The following CTDSP2 variants were observed in gnomAD, a reference collection of about 807,000 sequenced individuals.
CTDSP2 encodes carboxy-terminal domain RNA polymerase II polypeptide A small phosphatase 2.
In CTDSP2, 9 loss-of-function variants were observed where a neutral mutation model predicts 31.6. The ratio of observed to expected loss-of-function variants is 0.28; its 90% CI spans 0.17 to 0.50. The LOEUF (loss-of-function observed/expected upper bound fraction) is 0.50, where lower values mean the gene tolerates loss of function less well. Ranked by LOEUF, CTDSP2 falls within the 20% of genes least tolerant of loss-of-function variation. The pLI is 0.98. For missense variants in CTDSP2, 267 were observed against 348.5 expected, an observed-to-expected ratio of 0.77 and a Z score of 1.86; for synonymous variants, 134 against 134.5, an observed-to-expected ratio of 1.00 and a Z score of 0.03.
At chr12:57,834,688 G>A (rs1328852096) in intron 1 of CTDSP2, among the ~76,000 whole-genome samples, 1 of 152,204 alleles carries the variant, frequency 6.6e-6, no homozygotes, top group Admixed American at 6.5e-5. Flanking sequence ...ACTCAGCATT[G>A]TGTCCTTGAC....
chr12:57,836,124 A>G (rs920924106), intron 1 of CTDSP2, among the ~76,000 whole-genome samples: 5 of 152,162 alleles, frequency 3.3e-5, no homozygotes, highest in Non-Finnish European at 7.3e-5. Flanking sequence ...ATGAAGCCCA[A>G]GAAGATGAGG....
chr12:57,826,434 T>C (rs772326821), intron 4 of CTDSP2, 32 bp from the exon 5 acceptor site: 1 of 1,611,408 alleles, frequency 6.2e-7, no homozygotes, highest in Non-Finnish European at 8.5e-7. Context: ...GCTGTCAGCA[T>C]GGTGGCAAAG....
At chr12:57,836,381 C>T (rs752236374) in intron 1 of CTDSP2, among the ~76,000 whole-genome samples, 9 of 152,162 alleles carry the variant, frequency 5.9e-5, no homozygotes, top group East Asian at 1.9e-4. Flanking sequence ...ATGCATGGGC[C>T]GGGGTAGGTG....
intron 1 of CTDSP2, among the ~76,000 whole-genome samples, chr12:57,839,787 G>A (rs987853410): frequency 2.6e-5 from 4 of 151,986 alleles, no homozygotes; most frequent in East Asian, 1.9e-4. Flanking sequence ...GTACCCTTGG[G>A]CAAAGTCCTT....
chr12:57,823,251 G>T lies in CTDSP2; in HGVS notation c.*351C>A. 1 of 328,678 alleles carries T rather than the reference G, an allele frequency of 3.0e-6. No individual in the cohort carries two copies. Among genetic ancestry groups the T allele is most frequent in the Non-Finnish European group, 5.9e-6 (1 of 169,198 alleles). 20.4% of individuals were successfully genotyped at this position (328,678 alleles called of 1,614,324 possible). ...TACACAACTCAGTGGCTCTTAGGGTGACAGGAGAGGAGACAAGCTAACTTG... is the reference window on the plus strand; with the variant it reads ...TACACAACTCAGTGGCTCTTAGGGTTACAGGAGAGGAGACAAGCTAACTTG... On this transcript the variant is annotated 3_prime_UTR_variant, in exon 8 of 8. Transcript: ENST00000398073.
chr12:57,829,263 C>G (rs1168039415), intron 2 of CTDSP2, among the ~76,000 whole-genome samples, 185 bp downstream of exon 2: 1 of 152,132 alleles, frequency 6.6e-6, no homozygotes, highest in East Asian at 1.9e-4. Context: ...GAATGGCCCA[C>G]ACCGCAAAAG....
At chr12:57,824,578 G>T (rs758602705) in intron 5 of CTDSP2, 5 of 653,546 alleles carry the variant, frequency 7.7e-6, no homozygotes, top group Non-Finnish European at 1.5e-5. Flanking sequence ...CATGTCCCAG[G>T]AGCCATCTCT....
chr12:57,838,933 T>C (rs1488100793), intron 1 of CTDSP2, among the ~76,000 whole-genome samples: 1 of 152,198 alleles, frequency 6.6e-6, no homozygotes, highest in African/African-American at 2.4e-5. Context: ...CTCAAAATGT[T>C]CACATTAAAG....
Position 57,824,012 on chromosome 12 carries a change from G to T in CTDSP2, c.582C>A (p.Phe194Leu), listed in dbSNP as rs1043612511. The change falls in exon 7 of 8, where the codon TTC becomes TTA. Residue 194 changes from phenylalanine (F) to leucine (L), a missense_variant. Physicochemically the swap from Phe to Leu is conservative, Grantham distance 22. Around this residue, in one of 2 missense-constraint regions of CTDSP2, gnomAD observed 156 missense variants for 241.3 expected, o/e 0.65. Transcript: ENST00000398073. ...GGTCCTTGACGTAGCAGCCCTGGTG[G>T]AACACGCAAGACTCACGGAATAGGC... is the stretch of plus-strand genomic sequence containing the variant. ...RARLFRESCV[F>L]HQGCYVKDLS... 1 of 1,614,098 alleles carries T rather than the reference G, an allele frequency of 6.2e-7. No individual in the cohort carries two copies. Among genetic ancestry groups the T allele is most frequent in the Admixed American group, 1.7e-5 (1 of 60,014 alleles).
chr12:57,841,185 A>G (rs569303150), intron 1 of CTDSP2, among the ~76,000 whole-genome samples: 2 of 152,338 alleles, frequency 1.3e-5, no homozygotes, highest in Non-Finnish European at 2.9e-5. Flanking sequence ...CCCAAAGACA[A>G]GCGAGTTAAT....
rs568891111 is a variant in CTDSP2 at position 57,826,399 on chromosome 12, T to C, written c.358A>G (p.Ile120Val). 7 of 1,614,086 alleles carry C rather than the reference T, an allele frequency of 4.3e-6. No individual in the cohort carries two copies. In the Admixed American group the frequency reaches 6.7e-5, roughly 15 times the overall value. The change falls in exon 5 of 8, where the codon ATC becomes GTC. Residue 120 changes from isoleucine (I) to valine (V), a missense_variant. Ile to Val is a conservative substitution (Grantham distance 29). This residue lies in a region of CTDSP2 where 156 missense variants were observed against 241.3 expected (regional missense o/e 0.65). Transcript: ENST00000398073. The part of the protein sequence containing the change: ...ETLVHSSFKP[I>V]NNADFIVPIE... ...GGCACTATGAAGTCAGCATTGTTGATTGGCTGGAAGGCAGAAAAGTTAATG... is the reference window on the plus strand; with the variant it reads ...GGCACTATGAAGTCAGCATTGTTGACTGGCTGGAAGGCAGAAAAGTTAATG...
chr12:57,827,620 A>ATCTCACTGCCTT (rs2140475314), intron 2 of CTDSP2, 30 bp from the exon 3 acceptor site: 2 of 1,609,194 alleles, frequency 1.2e-6, no homozygotes, highest in East Asian at 4.5e-5. Context: ...GGTCAGTGCC[A>ATCTCACTGCCTT]TCTCACTGCC....
chr12:57,828,894 G>A (rs1376608532), intron 2 of CTDSP2, among the ~76,000 whole-genome samples: 1 of 152,240 alleles, frequency 6.6e-6, no homozygotes, highest in Non-Finnish European at 1.5e-5. Context: ...CCTTGCATGA[G>A]TATGGGAGAG....
rs572408673 is a variant in CTDSP2, at chr12:57,822,524, A to C, written c.*1078T>G. 1.3e-5 allele frequency: 2 copies of C among 152,378 alleles called. No homozygotes were observed. Among genetic ancestry groups the C allele is most frequent in the Non-Finnish European group, 2.9e-5 (2 of 68,144 alleles). The allele number at this position is 152,378 out of a possible 1,614,324, so 9.4% of individuals were successfully genotyped here. On this transcript the variant is annotated 3_prime_UTR_variant, in exon 8 of 8. Coordinates refer to ENST00000398073, the MANE Select transcript of CTDSP2 (RefSeq NM_005730.4). ...GGTACAGGACAGGCCCTGGGGGAAG[A>C]CACAACAGGAAAAGAGCCCTGCCCA... is the stretch of plus-strand genomic sequence containing the variant.
In CTDSP2 at chr12:57,827,578, G is replaced by C; in HGVS notation, c.226C>G (p.Gln76Glu). ...TGGTAGAACTGGTACTGGAGACACT[G>C]GAGCAGATCCGACTGAGGAAGAGAA... ...ANTIAKSDLL[Q>E]CLQYQFYQIP... is the part of the protein sequence containing the mutation. Residue 76 changes from glutamine (Q) to glutamate (E), a missense_variant, in exon 3 of 8, where the codon CAG (glutamine) becomes GAG (glutamate). By Grantham distance (29) the Gln-to-Glu change is conservative (BLOSUM62 2). Coordinates refer to ENST00000398073, the MANE Select transcript of CTDSP2 (RefSeq NM_005730.4). 1.2e-6 allele frequency: 2 copies of C among 1,614,096 alleles called. No individual in the cohort carries two copies. The highest frequency in any genetic ancestry group is 2.2e-5 in the South Asian group (2 of 91,062).
At chr12:57,840,373 C>A (rs921817194) in intron 1 of CTDSP2, among the ~76,000 whole-genome samples, 1 of 152,218 alleles carries the variant, frequency 6.6e-6, no homozygotes. Context: ...CCCCACCGTA[C>A]CTGACTGGCT....
intron 1 of CTDSP2, among the ~76,000 whole-genome samples, chr12:57,833,502 C>T (rs1037848140): frequency 2.0e-5 from 3 of 152,192 alleles, no homozygotes; most frequent in African/African-American, 7.2e-5. Context: ...GCTGGCTGTC[C>T]TCCTTTCCTT....
intron 2 of CTDSP2, among the ~76,000 whole-genome samples, chr12:57,827,962 A>C (rs540945207): frequency 3.9e-5 from 6 of 152,280 alleles, no homozygotes; most frequent in African/African-American, 1.4e-4. Context: ...CCTTAAACTC[A>C]GGCTTCTCCT....
In CTDSP2 at chr12:57,823,643, C is replaced by G. The variant is rs1277304878; in HGVS notation, c.775G>C (p.Glu259Gln). Residue 259 changes from glutamate to glutamine, a missense_variant, in exon 8 of 8, where the codon GAG becomes CAG. Coordinates refer to ENST00000398073, the MANE Select transcript of CTDSP2 (RefSeq NM_005730.4). ...IPIFEELSGA[E>Q]DVYTSLGQLR... is the part of the protein sequence containing the mutation. ...TGCCCAAGGCTGGTGTAGACGTCCT[C>G]TGCTCCGCTCAGCTCCTCAAAGATT... The G allele has an allele frequency of 6.2e-7, 1 of 1,613,982 alleles. No homozygotes were observed. Among genetic ancestry groups the G allele is most frequent in the Admixed American group, 1.7e-5 (1 of 60,006 alleles).
Sources: gnomAD v4.1 joint callset for allele counts (sites outside exome capture counted in the v4.1 genomes callset) on GRCh38, gnomAD v4.1.1 for gene constraint, gnomAD v4.1.1 regional missense constraint, MANE v1.5 for transcripts, NCBI Gene and HGNC (gene_info 2026-07-23, HGNC 2026-07-21) for gene names.